ADAMTS16: variants seen among roughly 807,000 people sequenced by gnomAD.
The protein encoded by ADAMTS16 is A disintegrin and metalloproteinase with thrombospondin motifs 16.
Under a neutral mutation model 145.8 loss-of-function variants are expected in ADAMTS16, and 94 were observed. The ratio of observed to expected loss-of-function variants is 0.64; its 90% CI spans 0.55 to 0.77. The LOEUF (loss-of-function observed/expected upper bound fraction) is 0.77, where lower values mean the gene tolerates loss of function less well. ADAMTS16 is among the 30% of genes least tolerant of loss of function. The pLI, the probability that ADAMTS16 is intolerant of heterozygous loss-of-function variation, is 0.00. For missense variants in ADAMTS16, 1,585 were observed against 1,591.5 expected (o/e 1.00, Z 0.07); for synonymous variants, 659 against 604.3 (o/e 1.09, Z -1.33).
Position 5,235,013 on chromosome 5 carries a change from G to A in ADAMTS16, c.1851-1G>A. ...TTCTAACTTCAAAATACACATTCCA[G>A]GCCATCGCATGGAGGGAAGTTCTGT... On this transcript the variant is annotated splice_acceptor_variant, in intron 12 of 22. Coordinates refer to ENST00000274181, the MANE Select transcript of ADAMTS16 (RefSeq NM_139056.4). LOFTEE classifies it high-confidence loss of function. The A allele has an allele frequency of 6.4e-7, 1 of 1,565,080 alleles. No homozygotes were observed.
chr5:5,146,549 T>A (rs889077997), intron 3 of ADAMTS16, 94 bp downstream of exon 3: 10 of 1,305,506 alleles, frequency 7.7e-6, no homozygotes, highest in Non-Finnish European at 5.2e-6. Context: ...CGCATAGATG[T>A]TCTTCTAGTA....
rs1215273747 is a variant in ADAMTS16, at chr5:5,303,444, C to T, written c.2966C>T (p.Ala989Val). The T allele has an allele frequency of 1.2e-5, 20 of 1,611,116 alleles. No homozygotes were observed. The highest frequency in any genetic ancestry group is 1.5e-5 in the Non-Finnish European group (18 of 1,178,702). Reference protein sequence around the residue: ...QACNSQSCPPAWSAGPWAECS... With the variant: ...QACNSQSCPPVWSAGPWAECS... ...TGCAACTCTCAGAGCTGCCCACCTGCATGGAGCGCCGGGCCCTGGGCAGAG... is the reference window on the plus strand; with the variant it reads ...TGCAACTCTCAGAGCTGCCCACCTGTATGGAGCGCCGGGCCCTGGGCAGAG... Residue 989 changes from alanine to valine, a missense_variant, in exon 19 of 23, where the codon GCA (alanine) becomes GTA (valine). Ala to Val is a moderately conservative substitution (Grantham distance 64). Transcript: ENST00000274181.
rs576826428 is a variant in ADAMTS16 at position 5,192,241 on chromosome 5, C to G, written c.1313+451C>G. On this transcript the variant is annotated intron_variant, in intron 8 of 22. Coordinates refer to ENST00000274181, the MANE Select transcript of ADAMTS16 (RefSeq NM_139056.4). ...CAGCAATGCACAAGTTTCCATGTCC[C>G]TGGGTCTTTCTCCAACACTCCTGTA... 5.5e-4 allele frequency among the ~76,000 whole-genome samples: 84 copies of G among 152,230 alleles called. 1 individual carries two copies. Among genetic ancestry groups the G allele is most frequent in the Non-Finnish European group, 1.0e-3 (71 of 68,008 alleles).
intron 10 of ADAMTS16, among the ~76,000 whole-genome samples, chr5:5,215,302 G>A (rs1736385903): frequency 6.6e-6 from 1 of 152,162 alleles, no homozygotes; most frequent in South Asian, 2.1e-4. Flanking sequence ...AATAAATAAT[G>A]ACAATGCCCT....
chr5:5,156,003 A>G (rs1322985665), intron 3 of ADAMTS16, among the ~76,000 whole-genome samples: 2 of 152,182 alleles, frequency 1.3e-5, no homozygotes, highest in Non-Finnish European at 2.9e-5. Flanking sequence ...GACAGACAAG[A>G]AGTCCACAAG....
At chr5:5,305,184 T>C (rs1252405162) in intron 20 of ADAMTS16, among the ~76,000 whole-genome samples, 6 of 26,820 alleles carry the variant, frequency 2.2e-4, no homozygotes, top group Admixed American at 4.9e-4. Flanking sequence ...CACACACACA[T>C]CCCACACCAA....
intron 18 of ADAMTS16, among the ~76,000 whole-genome samples, chr5:5,278,578 T>G (rs974671351): frequency 2.0e-5 from 3 of 152,216 alleles, no homozygotes. Flanking sequence ...TGCTTAGGTT[T>G]GTTATATAAA....
intron 21 of ADAMTS16, among the ~76,000 whole-genome samples, chr5:5,308,087 A>C (rs16875304): frequency 0.066 from 10,100 of 152,282 alleles, 469 homozygotes; most frequent in Middle Eastern, 0.11. Context: ...TTGCATGACC[A>C]TAACAGGTGG....
At position 5,186,276 on chromosome 5, in the gene ADAMTS16, C is replaced by A. The variant is rs552378101; in HGVS notation, c.963+25C>A. 4.4e-6 allele frequency: 7 copies of A among 1,599,942 alleles called. No individual in the cohort carries two copies. The African/African-American group carries it at 9.6e-5, about 22-fold the overall frequency. On this transcript the variant is annotated intron_variant, in intron 5 of 22. Coordinates refer to ENST00000274181, the MANE Select transcript of ADAMTS16 (RefSeq NM_139056.4). The stretch of plus-strand genomic sequence containing the variant: ...GGTAGGATCATCCTTCCAGTTGAGG[C>A]CACCTGTGTCATTGCACTTCGTAGG...
chr5:5,240,871 A>G (rs1391177626), intron 16 of ADAMTS16, among the ~76,000 whole-genome samples: 1 of 152,154 alleles, frequency 6.6e-6, no homozygotes, highest in Non-Finnish European at 1.5e-5. Context: ...AATTCTTTCC[A>G]TGATCTTTCC....
At chr5:5,232,331 G>A (rs1489129893) in intron 11 of ADAMTS16, 37 bp from the exon 12 acceptor site, 3 of 1,613,554 alleles carry the variant, frequency 1.9e-6, no homozygotes, top group Non-Finnish European at 1.7e-6. Flanking sequence ...ATCCATCTGT[G>A]TGAGTCAAGT....
intron 3 of ADAMTS16, among the ~76,000 whole-genome samples, chr5:5,165,516 G>T (rs1028273812): frequency 6.6e-6 from 1 of 152,136 alleles, no homozygotes; most frequent in Non-Finnish European, 1.5e-5. Context: ...TATCCATGTT[G>T]GTATGACTAA....
intron 18 of ADAMTS16, among the ~76,000 whole-genome samples, chr5:5,271,152 A>G (rs1166776407): frequency 6.6e-6 from 1 of 152,250 alleles, no homozygotes; most frequent in Non-Finnish European, 1.5e-5. Context: ...CCTCCTCCTC[A>G]GCACCCAGAG....
chr5:5,306,259 C>T, intron 20 of ADAMTS16, among the ~76,000 whole-genome samples: 1 of 152,144 alleles, frequency 6.6e-6, no homozygotes, highest in African/African-American at 2.4e-5. Context: ...AGAATTACTC[C>T]CTTCATGGTT....
chr5:5,200,692 C>T (rs1735931066), intron 9 of ADAMTS16, among the ~76,000 whole-genome samples: 2 of 151,562 alleles, frequency 1.3e-5, no homozygotes, highest in South Asian at 4.2e-4. Context: ...TCTTTTCCTT[C>T]CTTCCTTTTC....
chr5:5,224,864 G>A (rs1355539322), intron 11 of ADAMTS16, among the ~76,000 whole-genome samples: 1 of 152,110 alleles, frequency 6.6e-6, no homozygotes, highest in Non-Finnish European at 1.5e-5. Flanking sequence ...GTGTGGTCAG[G>A]TGCTACTTTT....
intron 10 of ADAMTS16, 24 bp downstream of exon 10, chr5:5,209,270 C>A: frequency 1.2e-6 from 2 of 1,611,344 alleles, no homozygotes; most frequent in South Asian, 2.2e-5. Flanking sequence ...GGCACATGCT[C>A]AATGCAACAT....
intron 3 of ADAMTS16, among the ~76,000 whole-genome samples, chr5:5,164,942 C>A (rs1715206194): frequency 6.6e-6 from 1 of 152,138 alleles, no homozygotes; most frequent in African/African-American, 2.4e-5. Flanking sequence ...TAGCTTTGTT[C>A]TGTTTTCTAA....
chr5:5,144,467 T>C (rs1367129481), intron 2 of ADAMTS16, among the ~76,000 whole-genome samples: 1 of 152,270 alleles, frequency 6.6e-6, no homozygotes, highest in East Asian at 1.9e-4. Context: ...TATAGCTTTA[T>C]GGTAATTTAG....
Sources: gnomAD v4.1 joint callset for allele counts (sites outside exome capture counted in the v4.1 genomes callset) on GRCh38, gnomAD v4.1.1 for gene constraint, MANE v1.5 for transcripts, NCBI Gene and HGNC (gene_info 2026-07-23, HGNC 2026-07-21) for gene names.